The following CCSER1 variants were observed in gnomAD, a reference collection of about 807,000 sequenced individuals.
The protein encoded by CCSER1 is coiled-coil serine rich protein 1.
In CCSER1, 41 loss-of-function variants were observed where a neutral mutation model predicts 82.0. The observed-to-expected ratio is 0.50, with a 90% CI of 0.39 to 0.65. The LOEUF (loss-of-function observed/expected upper bound fraction) is 0.65. Ranked by LOEUF, CCSER1 falls within the 30% of genes least tolerant of loss-of-function variation. CCSER1 has a pLI of 0.00. For synonymous variants in CCSER1, 414 were observed against 383.9 expected (o/e 1.08, Z -0.92); for missense variants, 1,119 against 1,064.2 (o/e 1.05, Z -0.72).
In CCSER1 at chr4:91,200,906, TAATC is replaced by T. The variant is rs368059124; in HGVS notation, c.2217+114913_2217+114916del. On this transcript the variant is annotated intron_variant, in intron 10 of 10. Transcript: ENST00000509176. ...TATTTCATAAAGTTATGTTGTTTAT[TAATC>T]TATTATTGTAGTCTTTTACAAAATC... Among the ~76,000 whole-genome samples, 739 of 152,214 alleles carry T rather than the reference TAATC, an allele frequency of 4.9e-3. 3 individuals carry two copies. Among genetic ancestry groups the T allele is most frequent in the African/African-American group, 0.016 (683 of 41,556 alleles).
At chr4:90,850,127 G>T (rs756040270) in intron 8 of CCSER1, among the ~76,000 whole-genome samples, 7 of 152,176 alleles carry the variant, frequency 4.6e-5, no homozygotes, top group Non-Finnish European at 8.8e-5. Context: ...AAACCTTGGT[G>T]ACCTTCACAT....
intron 10 of CCSER1, among the ~76,000 whole-genome samples, chr4:91,497,666 A>T (rs186197002): frequency 1.3e-5 from 2 of 151,908 alleles, no homozygotes; most frequent in Admixed American, 1.3e-4. Context: ...AGAGATAAGG[A>T]ACACGTGTAT....
intron 9 of CCSER1, among the ~76,000 whole-genome samples, chr4:90,931,621 G>A (rs1729832797): frequency 1.3e-5 from 2 of 152,080 alleles, no homozygotes; most frequent in Non-Finnish European, 2.9e-5. Context: ...TTTTGTCATG[G>A]TAGAGCTTTT....
chr4:90,324,957 A>C (rs1053678516), intron 3 of CCSER1, among the ~76,000 whole-genome samples: 1 of 152,030 alleles, frequency 6.6e-6, no homozygotes, highest in Non-Finnish European at 1.5e-5. Context: ...TTTTTCTCAG[A>C]TTTGTCAAAG....
chr4:91,152,796 A>G (rs1730375298), intron 10 of CCSER1, among the ~76,000 whole-genome samples: 4 of 149,000 alleles, frequency 2.7e-5, no homozygotes, highest in Admixed American at 2.0e-4. Context: ...TTGGCTGGTT[A>G]TGAAATTCTG....
At chr4:91,017,389 T>C (rs1296250680) in intron 9 of CCSER1, 1 of 152,152 alleles carries the variant, frequency 6.6e-6, no homozygotes. Flanking sequence ...AAATTGAATT[T>C]ATGCAGGAAA....
At position 90,814,149 on chromosome 4, in the gene CCSER1, T is replaced by C. The variant is rs532765456; in HGVS notation, c.2011-1613T>C. ...GGCTTGTACCCTCTGAAGAAAGACC[T>C]GGGCTGTACGTTGGCCCCTATTAGC... is the stretch of plus-strand genomic sequence containing the variant. On this transcript the variant is annotated intron_variant, in intron 7 of 10. Transcript: ENST00000509176. Among the ~76,000 whole-genome samples the C allele has an allele frequency of 2.6e-5, 4 of 152,316 alleles. No homozygotes were observed. The South Asian group carries it at 8.3e-4, about 32-fold the overall frequency.
At chr4:90,691,985 T>C (rs1457024817) in intron 6 of CCSER1, among the ~76,000 whole-genome samples, 1 of 148,634 alleles carries the variant, frequency 6.7e-6, no homozygotes, top group East Asian at 2.0e-4. Context: ...ATAACTAAAT[T>C]AAATTTTTTA....
At chr4:91,364,096 C>G (rs2149315927) in intron 10 of CCSER1, among the ~76,000 whole-genome samples, 1 of 152,136 alleles carries the variant, frequency 6.6e-6, no homozygotes, top group East Asian at 1.9e-4. Context: ...AATAATTCTG[C>G]AGAAATTATG....
At chr4:91,068,429 T>C (rs1303631135) in intron 9 of CCSER1, among the ~76,000 whole-genome samples, 1 of 152,220 alleles carries the variant, frequency 6.6e-6, no homozygotes, top group Non-Finnish European at 1.5e-5. Flanking sequence ...TTTTCTGTTA[T>C]GTTTTGCTGT....
At chr4:90,606,593 C>G (rs1031639068) in intron 5 of CCSER1, among the ~76,000 whole-genome samples, 1 of 152,042 alleles carries the variant, frequency 6.6e-6, no homozygotes, top group Admixed American at 6.5e-5. Context: ...TTTTGATCAA[C>G]CAAGTTTTAA....
chr4:90,612,731 A>G (rs4596212), intron 5 of CCSER1, among the ~76,000 whole-genome samples: 149,821 of 152,236 alleles, frequency 0.98, 73,727 homozygotes, highest in East Asian at 1. Context: ...TAAAAAGGCT[A>G]TCTTTTGCAG....
chr4:90,818,584 G>GT (rs1184698694), intron 8 of CCSER1, among the ~76,000 whole-genome samples: 3 of 152,146 alleles, frequency 2.0e-5, no homozygotes, highest in Admixed American at 2.0e-4. Flanking sequence ...GCCATAACAA[G>GT]TTTTTTAGTC....
chr4:90,529,951 A>T (rs199540437), intron 5 of CCSER1, among the ~76,000 whole-genome samples: 4,788 of 127,126 alleles, frequency 0.038, 128 homozygotes, highest in African/African-American at 0.077. Context: ...ATATATATAT[A>T]TTTTTTTTTT....
chr4:91,505,206 G>A (rs1455481078), intron 10 of CCSER1, among the ~76,000 whole-genome samples: 1 of 152,100 alleles, frequency 6.6e-6, no homozygotes, highest in East Asian at 1.9e-4. Flanking sequence ...TTGGTTTTCT[G>A]TTCCTCTTGT....
At chr4:90,727,405 T>G (rs1026101707) in intron 7 of CCSER1, 2 of 396,660 alleles carry the variant, frequency 5.0e-6, no homozygotes, top group Admixed American at 6.1e-5. Flanking sequence ...AGCCATTAAG[T>G]TTTTTATAGT....
At chr4:90,980,048 T>G (rs938426659) in intron 9 of CCSER1, among the ~76,000 whole-genome samples, 7 of 151,802 alleles carry the variant, frequency 4.6e-5, no homozygotes, top group Non-Finnish European at 8.8e-5. Flanking sequence ...GCTATAAAGT[T>G]TAGTAAGGAG....
intron 7 of CCSER1, among the ~76,000 whole-genome samples, chr4:90,811,669 A>T (rs1019646964): frequency 2.0e-5 from 3 of 152,142 alleles, no homozygotes; most frequent in African/African-American, 7.2e-5. Context: ...CTTCCTGATT[A>T]TTAATTTAGG....
At chr4:91,582,418 A>G (rs1333037469) in intron 10 of CCSER1, among the ~76,000 whole-genome samples, 11 of 151,592 alleles carry the variant, frequency 7.3e-5, no homozygotes, top group Non-Finnish European at 1.5e-4. Flanking sequence ...TTGAAATGAC[A>G]CTTGAAGTAT....
Sources: gnomAD v4.1 joint callset for allele counts (sites outside exome capture counted in the v4.1 genomes callset) on GRCh38, gnomAD v4.1.1 for gene constraint, MANE v1.5 for transcripts, NCBI Gene and HGNC (gene_info 2026-07-23, HGNC 2026-07-21) for gene names.